Variants in CACNA1A observed in about 807,000 individuals in gnomAD.
CACNA1A encodes voltage-dependent P/Q-type calcium channel subunit alpha-1A.
A neutral mutation model predicts 262.4 loss-of-function variants in CACNA1A; 57 were observed. That is an observed-to-expected ratio of 0.22 (90% confidence interval 0.18 to 0.27). The LOEUF is 0.27. Among genes scored for constraint, CACNA1A ranks in the 10% least tolerant of loss-of-function variants. The pLI is 1.00. For synonymous variants in CACNA1A, 1,431 were observed against 1,419.3 expected (o/e 1.01, Z -0.18); for missense variants, 2,526 against 3,562.8 (o/e 0.71, Z 7.41).
intron 23 of CACNA1A, 82 bp from the exon 24 acceptor site, chr19:13,276,038 G>C: frequency 7.2e-6 from 6 of 833,944 alleles, no homozygotes; most frequent in Non-Finnish European, 9.8e-6. Context: ...TAGCCTCTCG[G>C]GGAGAGGCAG....
At chr19:13,264,258 A>T (rs1362952774) in intron 24 of CACNA1A, among the ~76,000 whole-genome samples, 2 of 152,086 alleles carry the variant, frequency 1.3e-5, no homozygotes, top group East Asian at 3.9e-4. Flanking sequence ...GAAACCTGAG[A>T]GTCATGGTCA....
Position 13,209,488 on chromosome 19 carries a change from T to G in CACNA1A, c.6350A>C (p.Asp2117Ala). The G allele has an allele frequency of 7.6e-7, 1 of 1,319,238 alleles. No homozygotes were observed. The highest frequency in any genetic ancestry group is 1.5e-5 in the African/African-American group (1 of 66,084). The allele number at this position is 1,319,238 out of a possible 1,614,324, so 81.7% of individuals were successfully genotyped here. ...PRGNNLSTIS[D>A]TSPMKRSASV... ...GGCTGAACGCTTCATGGGGCTGGTG[T>G]CTGAGATGGTCTGGGGGAGGGGACA... Residue 2117 changes from aspartate (D) to alanine (A), a missense_variant, in exon 45 of 47, where the codon GAC (aspartate) becomes GCC (alanine). By Grantham distance (126) the Asp-to-Ala change is moderately radical. This residue lies in a region of CACNA1A where 929 missense variants were observed against 868.1 expected (regional missense o/e 1.07). Coordinates refer to ENST00000360228, the MANE Select transcript of CACNA1A (RefSeq NM_001127222.2).
chr19:13,278,618 C>T (rs1600229479), intron 22 of CACNA1A, among the ~76,000 whole-genome samples: 1 of 152,116 alleles, frequency 6.6e-6, no homozygotes, highest in Non-Finnish European at 1.5e-5. Context: ...TCTCATTGTC[C>T]ATCTCCCCCA....
chr19:13,436,211 A>G (rs953234301), intron 3 of CACNA1A, among the ~76,000 whole-genome samples: 1 of 152,126 alleles, frequency 6.6e-6, no homozygotes, highest in African/African-American at 2.4e-5. Flanking sequence ...AGCACTCAGC[A>G]TTCCTGGTGC....
At chr19:13,441,288 T>C (rs1439223468) in intron 3 of CACNA1A, among the ~76,000 whole-genome samples, 1 of 152,194 alleles carries the variant, frequency 6.6e-6, no homozygotes, top group African/African-American at 2.4e-5. Context: ...CTATGTAGAC[T>C]GGCTGTCCTC....
intron 1 of CACNA1A, among the ~76,000 whole-genome samples, chr19:13,476,992 G>A (rs1978628276): frequency 1.3e-5 from 2 of 152,102 alleles, no homozygotes. Flanking sequence ...AGCTCCCTCA[G>A]AGCAAAAGCC....
In CACNA1A at chr19:13,380,667, AAAAAT is replaced by A. The variant is rs1450045024; in HGVS notation, c.540-8893_540-8889del. ...TCTCAAAAAAAAAAAAAAAAAAAAAAAAAATTAAAATTTGCTAGTAGCCACATTAA... is the reference window on the plus strand; with the variant it reads ...TCTCAAAAAAAAAAAAAAAAAAAAAATAAAATTTGCTAGTAGCCACATTAA... On this transcript the variant is annotated intron_variant, in intron 3 of 46. Coordinates refer to ENST00000360228, the MANE Select transcript of CACNA1A (RefSeq NM_001127222.2). Among the ~76,000 whole-genome samples the A allele has an allele frequency of 5.3e-5, 8 of 151,144 alleles. 1 individual carries two copies. Among genetic ancestry groups the A allele is most frequent in the African/African-American group, 1.9e-4 (8 of 41,366 alleles).
At chr19:13,469,201 A>G (rs886818569) in intron 1 of CACNA1A, among the ~76,000 whole-genome samples, 5 of 152,222 alleles carry the variant, frequency 3.3e-5, no homozygotes, top group Admixed American at 6.5e-5. Flanking sequence ...ACCAGCAGCC[A>G]AGATCCTGAG....
chr19:13,353,299 G>GTT (rs57554463), intron 6 of CACNA1A, among the ~76,000 whole-genome samples: 3,982 of 135,012 alleles, frequency 0.029, 161 homozygotes, highest in African/African-American at 0.08. Context: ...TTGTATTTTT[G>GTT]TTTTTTTTTT....
At position 13,209,389 on chromosome 19, in the gene CACNA1A, C is replaced by T. The variant is rs751044309; in HGVS notation, c.6449G>A (p.Arg2150Gln). Residue 2150 changes from arginine (R) to glutamine (Q), a missense_variant, in exon 45 of 47, where the codon CGG (arginine) becomes CAG (glutamine). This residue lies in a region of CACNA1A where 929 missense variants were observed against 868.1 expected (regional missense o/e 1.07). Coordinates refer to ENST00000360228, the MANE Select transcript of CACNA1A (RefSeq NM_001127222.2). The stretch of plus-strand genomic sequence containing the variant: ...GCGGTCGCGGCGCCGCTGGTGGTGC[C>T]GCTGGTTCTCCTCGGGCGGGACCCG... ...LERVPPEENQRHHQRRRDRSH... is the reference protein window; with the variant it reads ...LERVPPEENQQHHQRRRDRSH... The T allele has an allele frequency of 1.6e-5, 22 of 1,396,254 alleles. No homozygotes were observed. The highest frequency in any genetic ancestry group is 1.9e-5 in the Non-Finnish European group (20 of 1,071,462). 86.5% of individuals were successfully genotyped at this position (1,396,254 alleles called of 1,614,324 possible).
chr19:13,443,123 T>C (rs1233666081), intron 3 of CACNA1A, among the ~76,000 whole-genome samples: 1 of 151,996 alleles, frequency 6.6e-6, no homozygotes, highest in Non-Finnish European at 1.5e-5. Flanking sequence ...TGTGTGTGCA[T>C]TATAGCTCAT....
In CACNA1A at chr19:13,300,579, A is replaced by T; in HGVS notation, c.2250T>A (p.Pro750=). ...CTATAGACATGTTGGCCGCGGACAG[A>T]GGACTCACTTCTGCCACCTCCTTGG... ...QKAKEVAEVS[P]LSAANMSIAV... Residue 750 remains proline (P), a synonymous_variant, in exon 18 of 47, where the codon CCT becomes CCA. Transcript: ENST00000360228. 6.2e-7 allele frequency: 1 copy of T among 1,613,800 alleles called. No individual in the cohort carries two copies. Among genetic ancestry groups the T allele is most frequent in the Non-Finnish European group, 8.5e-7 (1 of 1,179,718 alleles).
At chr19:13,218,231 C>G (rs1262560492) in intron 38 of CACNA1A, among the ~76,000 whole-genome samples, 1 of 152,036 alleles carries the variant, frequency 6.6e-6, no homozygotes, top group African/African-American at 2.4e-5. Context: ...GCTGGGATTA[C>G]AGCCGCCCGC....
chr19:13,334,215 AGACTCT>A (rs2058517163), intron 8 of CACNA1A, 157 bp downstream of exon 8: 1 of 581,282 alleles, frequency 1.7e-6, no homozygotes, highest in Admixed American at 3.0e-5. Context: ...TCTTCATATC[AGACTCT>A]GGATTCTTGT....
chr19:13,207,867 GC>G lies in CACNA1A; in HGVS notation c.6966del (p.Gln2322HisfsTer286). The G allele has an allele frequency of 1.2e-6, 1 of 821,532 alleles. No individual in the cohort carries two copies. The highest frequency in any genetic ancestry group is 1.6e-6 in the Non-Finnish European group (1 of 610,314). 50.9% of individuals were successfully genotyped at this position (821,532 alleles called of 1,614,324 possible). A position where few individuals can be genotyped will look rare whatever the true frequency, so the allele number is the denominator to read the frequency against. ...PQQQQQQQQQ[Q>X]QQQAVARPGR... ...CCCGGCCTGGCCACCGCCTGCTGCT[GC>G]TGCTGCTGCTGCTGCTGCTGCTGCT... On this transcript the variant is annotated frameshift_variant, in exon 47 of 47. Transcript: ENST00000360228. LOFTEE classifies it low-confidence loss of function (END_TRUNC). This position sits in a 1 kb window ranked among gnomAD's most constrained non-coding sequence, Gnocchi z 5.7.
At chr19:13,426,253 C>CT (rs1178029623) in intron 3 of CACNA1A, among the ~76,000 whole-genome samples, 2 of 152,190 alleles carry the variant, frequency 1.3e-5, no homozygotes, top group Middle Eastern at 3.4e-3. Context: ...ATATTATGGG[C>CT]TTTTTTTAGA....
At chr19:13,354,532 A>T (rs1487693032) in intron 6 of CACNA1A, among the ~76,000 whole-genome samples, 1 of 152,198 alleles carries the variant, frequency 6.6e-6, no homozygotes, top group African/African-American at 2.4e-5. Flanking sequence ...TAGCCCCTGC[A>T]CCCTGGCATT....
At position 13,214,019 on chromosome 19, in the gene CACNA1A, T is replaced by C; in HGVS notation, c.5940+214A>G. 1 of 560,636 alleles carries C rather than the reference T, an allele frequency of 1.8e-6. No individual in the cohort carries two copies. Among genetic ancestry groups the C allele is most frequent in the Non-Finnish European group, 3.2e-6 (1 of 312,124 alleles). The allele number at this position is 560,636 out of a possible 1,614,324, so 34.7% of individuals were successfully genotyped here. The stretch of plus-strand genomic sequence containing the variant: ...ATTTTGTAGAGATGGAGTCTCACTG[T>C]GTTGCCCAGGGTGGTCTCATCCTGG... On this transcript the variant is annotated intron_variant, in intron 40 of 46. Coordinates refer to ENST00000360228, the MANE Select transcript of CACNA1A (RefSeq NM_001127222.2). The surrounding 1 kb of genome is among the most constrained non-coding windows in gnomAD (Gnocchi z 4.1).
chr19:13,397,548 C>T (rs867581653), intron 3 of CACNA1A, among the ~76,000 whole-genome samples: 30 of 152,328 alleles, frequency 2.0e-4, no homozygotes, highest in African/African-American at 7.2e-4. Flanking sequence ...TCTGTCTCTC[C>T]TTCCTGGATG....
Sources: gnomAD v4.1 joint callset for allele counts (sites outside exome capture counted in the v4.1 genomes callset) on GRCh38, gnomAD v4.1.1 for gene constraint, gnomAD v4.1.1 regional missense constraint, Gnocchi (gnomAD v3.1) non-coding constraint, MANE v1.5 for transcripts, NCBI Gene and HGNC (gene_info 2026-07-23, HGNC 2026-07-21) for gene names.